The following TMEM44 variants were observed in gnomAD, a reference collection of about 807,000 sequenced individuals.
TMEM44 encodes the protein transmembrane protein 44.
A neutral mutation model predicts 47.8 loss-of-function variants in TMEM44; 43 were observed. The observed-to-expected ratio is 0.90, with a 90% CI of 0.70 to 1.16. The LOEUF is 1.16. TMEM44 is among the 50% of genes most tolerant of loss of function. TMEM44 has a pLI of 0.00. For synonymous variants in TMEM44, 277 were observed against 238.8 expected (o/e 1.16, Z -1.48); for missense variants, 568 against 555.2 (o/e 1.02, Z -0.23).
Position 194,623,699 on chromosome 3 carries a change from C to T in TMEM44, c.359-4G>A, listed in dbSNP as rs116197106. On this transcript the variant is annotated splice_polypyrimidine_tract_variant and splice_region_variant and intron_variant, in intron 3 of 9. Transcript: ENST00000347147. ...TTCCTCTCTCGGGCTTCCCGATCTG[C>T]AACAGACACCAAAATCCCACATGGC... is the stretch of plus-strand genomic sequence containing the variant. The T allele has an allele frequency of 1.1e-3, 1,720 of 1,613,938 alleles. 16 individuals carry two copies. The African/African-American group carries it at 0.021, about 19-fold the overall frequency.
intron 7 of TMEM44, among the ~76,000 whole-genome samples, chr3:194,612,139 T>C (rs537154004): frequency 2.0e-4 from 31 of 152,326 alleles, no homozygotes; most frequent in African/African-American, 7.0e-4. Flanking sequence ...TTTCTCACAG[T>C]TTCCCAGGTA....
intron 7 of TMEM44, among the ~76,000 whole-genome samples, chr3:194,612,174 G>T (rs1387063808): frequency 6.6e-6 from 1 of 152,134 alleles, no homozygotes; most frequent in Non-Finnish European, 1.5e-5. Flanking sequence ...CCCACACTTT[G>T]AGAACCACTG....
intron 9 of TMEM44, among the ~76,000 whole-genome samples, chr3:194,592,735 C>T (rs1282107185): frequency 6.6e-6 from 1 of 152,068 alleles, no homozygotes; most frequent in Non-Finnish European, 1.5e-5. Context: ...CTTGCCTCAG[C>T]CCCTGAGTAG....
Position 194,617,730 on chromosome 3 carries a change from CG to C in TMEM44, c.613-462del, listed in dbSNP as rs540313892. 601 of 704,022 alleles carry C rather than the reference CG, an allele frequency of 8.5e-4. 2 individuals carry two copies. The African/African-American group carries it at 8.9e-3, about 10-fold the overall frequency. The allele number at this position is 704,022 out of a possible 1,614,324, so 43.6% of individuals were successfully genotyped here. A position where few individuals can be genotyped will look rare whatever the true frequency, so the allele number is the denominator to read the frequency against. ...CTGGGATGGTTTGGACATTTGTCCC[CG>C]CCAGATCTCATGTTGAGTCGTAATC... is the stretch of plus-strand genomic sequence containing the variant. On this transcript the variant is annotated intron_variant, in intron 5 of 9. Transcript: ENST00000347147.
At chr3:194,618,231 T>C (rs971423934) in intron 5 of TMEM44, among the ~76,000 whole-genome samples, 4 of 152,196 alleles carry the variant, frequency 2.6e-5, no homozygotes, top group African/African-American at 9.6e-5. Flanking sequence ...ATTCTGGAAA[T>C]TTTAAAGCCA....
Position 194,617,406 on chromosome 3 carries a change from C to T in TMEM44, c.613-137G>A, listed in dbSNP as rs962374156. 4.7e-6 allele frequency: 5 copies of T among 1,053,200 alleles called. No homozygotes were observed. The South Asian group carries it at 5.2e-5, about 11-fold the overall frequency. The allele number at this position is 1,053,200 out of a possible 1,614,324, so 65.2% of individuals were successfully genotyped here. A position where few individuals can be genotyped will look rare whatever the true frequency, so the allele number is the denominator to read the frequency against. On this transcript the variant is annotated intron_variant, in intron 5 of 9. Coordinates refer to ENST00000347147, the MANE Select transcript of TMEM44 (RefSeq NM_001011655.3). ...CAGGGCAATGCTTCTGTTAGACTTA[C>T]AGCTTTTGCTCGAGTTGCTTCTTCT... is the stretch of plus-strand genomic sequence containing the variant.
At chr3:194,623,742 T>C in intron 3 of TMEM44, 47 bp from the exon 4 acceptor site, 3 of 1,610,342 alleles carry the variant, frequency 1.9e-6, no homozygotes, top group East Asian at 2.2e-5. Context: ...AGCCAGACCT[T>C]GTCAGATCAG....
chr3:194,593,614 C>T (rs1247506459), intron 9 of TMEM44, among the ~76,000 whole-genome samples: 1 of 152,158 alleles, frequency 6.6e-6, no homozygotes, highest in Non-Finnish European at 1.5e-5. Flanking sequence ...GCCCTTGTTA[C>T]TCCAGCACCT....
intron 8 of TMEM44, among the ~76,000 whole-genome samples, 169 bp downstream of exon 8, chr3:194,610,747 T>C (rs1322122471): frequency 6.6e-6 from 1 of 152,128 alleles, no homozygotes; most frequent in Non-Finnish European, 1.5e-5. Context: ...TCTCCAACAC[T>C]CCCCCATATC....
chr3:194,631,648 T>C (rs995968153), intron 1 of TMEM44, among the ~76,000 whole-genome samples: 3 of 152,146 alleles, frequency 2.0e-5, no homozygotes, highest in African/African-American at 7.2e-5. Context: ...CTGAGGCCTC[T>C]GGTGAGAAGG....
chr3:194,633,092 C>A lies in TMEM44; in HGVS notation c.124G>T (p.Ala42Ser), dbSNP rs1418055952. ...TGGCCCCATTACAGCGCGTGGGCGG[C>A]GATCCAGCAGGAGGAGGCGCAGATC... is the stretch of plus-strand genomic sequence containing the variant. The part of the protein sequence containing the change: ...LWICASSCWI[A>S]AHALLLYLRC... Residue 42 changes from alanine (A) to serine (S), a missense_variant, in exon 1 of 10, where the codon GCC becomes TCC. Transcript: ENST00000347147. 7 of 1,548,550 alleles carry A rather than the reference C, an allele frequency of 4.5e-6. No individual in the cohort carries two copies. In the Admixed American group the frequency reaches 1.4e-4, roughly 30 times the overall value.
chr3:194,588,351 C>G lies in TMEM44; in HGVS notation c.*178G>C. Reference sequence around the variant, plus strand: ...CAGGTCTGTCCGCAGTACCCAAAGTCGTAGCTCCGTGATGAGCTATGATGT... The same window carrying G: ...CAGGTCTGTCCGCAGTACCCAAAGTGGTAGCTCCGTGATGAGCTATGATGT... On this transcript the variant is annotated 3_prime_UTR_variant, in exon 10 of 10. Coordinates refer to ENST00000347147, the MANE Select transcript of TMEM44 (RefSeq NM_001011655.3). The G allele has an allele frequency of 1.7e-6, 1 of 599,106 alleles. No homozygotes were observed. Among genetic ancestry groups the G allele is most frequent in the Non-Finnish European group, 3.0e-6 (1 of 338,980 alleles). 37.1% of individuals were successfully genotyped at this position (599,106 alleles called of 1,614,324 possible).
intron 9 of TMEM44, among the ~76,000 whole-genome samples, chr3:194,591,667 A>G (rs1712741186): frequency 6.6e-6 from 1 of 151,758 alleles, no homozygotes; most frequent in African/African-American, 2.4e-5. Flanking sequence ...GGCTGGAGGC[A>G]TGATCTGGGC....
At chr3:194,605,005 A>G (rs1416891415) in intron 8 of TMEM44, among the ~76,000 whole-genome samples, 1 of 152,252 alleles carries the variant, frequency 6.6e-6, no homozygotes. Context: ...CTACTGCTAA[A>G]AACGCACCCC....
chr3:194,604,670 C>G (rs1041342077), intron 8 of TMEM44, among the ~76,000 whole-genome samples: 1 of 152,326 alleles, frequency 6.6e-6, no homozygotes, highest in African/African-American at 2.4e-5. Context: ...ACCAAATCCA[C>G]GTACACATAT....
chr3:194,633,377 C>G lies in TMEM44; in HGVS notation c.-162G>C, dbSNP rs1182885957. 3.1e-5 allele frequency: 7 copies of G among 225,448 alleles called. No individual in the cohort carries two copies. Among genetic ancestry groups the G allele is most frequent in the African/African-American group, 1.6e-4 (7 of 42,654 alleles). The allele number at this position is 225,448 out of a possible 1,614,324, so 14.0% of individuals were successfully genotyped here. ...GACCGCGGGCAGAGAAGGGCGCGCTCCCGGGCGCGGGCGGCGGCGGCGAAG... is the reference window on the plus strand; with the variant it reads ...GACCGCGGGCAGAGAAGGGCGCGCTGCCGGGCGCGGGCGGCGGCGGCGAAG... On this transcript the variant is annotated 5_prime_UTR_variant, in exon 1 of 10. Coordinates refer to ENST00000347147, the MANE Select transcript of TMEM44 (RefSeq NM_001011655.3).
At chr3:194,612,478 T>C (rs555765468) in intron 7 of TMEM44, among the ~76,000 whole-genome samples, 1 of 152,244 alleles carries the variant, frequency 6.6e-6, no homozygotes, top group East Asian at 1.9e-4. Flanking sequence ...GGGCAGTTTT[T>C]GTTTTTGTCG....
intron 5 of TMEM44, among the ~76,000 whole-genome samples, chr3:194,619,755 G>A (rs1056054249): frequency 2.3e-4 from 35 of 152,072 alleles, no homozygotes; most frequent in Non-Finnish European, 4.6e-4. Flanking sequence ...CCTAGCTCTC[G>A]GCTCTTCCTC....
intron 7 of TMEM44, among the ~76,000 whole-genome samples, chr3:194,614,361 A>G (rs1309828408): frequency 6.6e-6 from 1 of 152,180 alleles, no homozygotes; most frequent in African/African-American, 2.4e-5. Context: ...GATGCATGTG[A>G]AAGTGGGAAT....
Sources: gnomAD v4.1 joint callset for allele counts (sites outside exome capture counted in the v4.1 genomes callset) on GRCh38, gnomAD v4.1.1 for gene constraint, MANE v1.5 for transcripts, NCBI Gene and HGNC (gene_info 2026-07-23, HGNC 2026-07-21) for gene names.